SCG3: variants seen among roughly 807,000 people sequenced by gnomAD.
SCG3 encodes the protein secretogranin-3.
Under a neutral mutation model 56.2 loss-of-function variants are expected in SCG3, and 38 were observed. That is an observed-to-expected ratio of 0.68 (90% confidence interval 0.52 to 0.89). The LOEUF is 0.89. Ranked by LOEUF, SCG3 falls within the 40% of genes least tolerant of loss-of-function variation. The pLI is 0.00. For synonymous variants in SCG3, 176 were observed against 184.2 expected, an observed-to-expected ratio of 0.96 and a Z score of 0.36; for missense variants, 524 against 540.7, an observed-to-expected ratio of 0.97 and a Z score of 0.31.
chr15:51,703,471 G>A (rs540031237), intron 10 of SCG3, among the ~76,000 whole-genome samples: 2 of 152,334 alleles, frequency 1.3e-5, no homozygotes, highest in Non-Finnish European at 2.9e-5. Flanking sequence ...TGGTGATGAT[G>A]ATGACTTTAT....
At chr15:51,687,477 G>A (rs1840707) in intron 4 of SCG3, among the ~76,000 whole-genome samples, 116,872 of 152,214 alleles carry the variant, frequency 0.77, 45,085 homozygotes, top group East Asian at 0.83. Flanking sequence ...CCCTCAGGAT[G>A]GGCCCTTACT....
At chr15:51,682,641 G>A (rs992923392) in intron 2 of SCG3, 72 bp downstream of exon 2, 69 of 911,152 alleles carry the variant, frequency 7.6e-5, no homozygotes, top group South Asian at 6.8e-4. Flanking sequence ...TAATTATGCT[G>A]TGACATTTTG....
intron 11 of SCG3, among the ~76,000 whole-genome samples, chr15:51,713,883 C>T (rs556349247): frequency 8.5e-5 from 13 of 152,264 alleles, no homozygotes; most frequent in African/African-American, 3.1e-4. Context: ...AGATGTCCCG[C>T]CCAAGGAATG....
chr15:51,703,748 T>C (rs958819336), intron 10 of SCG3, among the ~76,000 whole-genome samples: 4 of 152,212 alleles, frequency 2.6e-5, no homozygotes, highest in East Asian at 1.9e-4. Flanking sequence ...ATTTCAGCTA[T>C]TGGGACTTTT....
intron 10 of SCG3, among the ~76,000 whole-genome samples, chr15:51,708,603 C>A (rs1319385062): frequency 3.9e-5 from 6 of 152,190 alleles, no homozygotes; most frequent in African/African-American, 1.4e-4. Context: ...CGCCTGTCAT[C>A]CCAGCACTTT....
At chr15:51,711,289 T>A (rs1341073596) in intron 10 of SCG3, among the ~76,000 whole-genome samples, 3 of 152,266 alleles carry the variant, frequency 2.0e-5, no homozygotes, top group Non-Finnish European at 4.4e-5. Context: ...AATTTGGAAT[T>A]TTTAATGCAG....
rs1227949476 is a variant in SCG3 at position 51,704,240 on chromosome 15, CATACAT to C, written c.1207+3000_1207+3005del. On this transcript the variant is annotated intron_variant, in intron 10 of 11. Coordinates refer to ENST00000220478, the MANE Select transcript of SCG3 (RefSeq NM_013243.4). ...ATATATATGTGTGTATACATACATA[CATACAT>C]ATATATATATATATATATATATATA... Among the ~76,000 whole-genome samples the C allele has an allele frequency of 9.5e-3, 556 of 58,760 alleles. 1 individual carries two copies. The highest frequency in any genetic ancestry group is 0.028 in the African/African-American group (413 of 14,566). 38.5% of individuals were successfully genotyped at this position (58,760 alleles called of 152,430 possible).
intron 9 of SCG3, among the ~76,000 whole-genome samples, chr15:51,699,902 C>T (rs1010054062): frequency 1.3e-5 from 2 of 152,114 alleles, no homozygotes; most frequent in Admixed American, 6.5e-5. Context: ...CCACCTATCA[C>T]CCTACTCAGC....
At position 51,716,244 on chromosome 15, in the gene SCG3, C is replaced by T. The variant is rs142550911; in HGVS notation, c.1288+2831C>T. On this transcript the variant is annotated intron_variant, in intron 11 of 11. Transcript: ENST00000220478. Reference sequence around the variant, plus strand: ...CCATTAAAGATGTTGACACTGCAGCCTATTCTGCAGAGGCAGTATTAATGA... The same window carrying T: ...CCATTAAAGATGTTGACACTGCAGCTTATTCTGCAGAGGCAGTATTAATGA... 2.6e-4 allele frequency among the ~76,000 whole-genome samples: 40 copies of T among 152,292 alleles called. 1 individual carries two copies. The highest frequency in any genetic ancestry group is 7.9e-4 in the African/African-American group (33 of 41,562).
At chr15:51,696,551 A>T (rs1341720858) in intron 8 of SCG3, among the ~76,000 whole-genome samples, 3 of 152,234 alleles carry the variant, frequency 2.0e-5, no homozygotes, top group African/African-American at 7.2e-5. Flanking sequence ...ACCCTGTCTC[A>T]GATAAATAAA....
intron 4 of SCG3, among the ~76,000 whole-genome samples, chr15:51,686,642 G>A (rs1412241804): frequency 2.7e-5 from 4 of 150,600 alleles, no homozygotes; most frequent in Non-Finnish European, 4.4e-5. Flanking sequence ...AATAGATGAC[G>A]ATCCAAATTT....
At position 51,699,396 on chromosome 15, in the gene SCG3, T is replaced by C. The variant is rs201746386; in HGVS notation, c.1063T>C (p.Phe355Leu). ...KNATDNISKL[F>L]PAPSEKSHEE... is the part of the protein sequence containing the mutation. ...TGCTACTGACAATATAAGCAAGCTT[T>C]TCCCAGGTATGATTATTTAACTATT... is the stretch of plus-strand genomic sequence containing the variant. Residue 355 changes from phenylalanine to leucine, a missense_variant, in exon 9 of 12, where the codon TTC (phenylalanine) becomes CTC (leucine). Transcript: ENST00000220478. 4.3e-5 allele frequency: 69 copies of C among 1,595,406 alleles called. No homozygotes were observed. In the South Asian group the frequency reaches 6.5e-4, roughly 15 times the overall value.
intron 11 of SCG3, among the ~76,000 whole-genome samples, chr15:51,715,681 G>A (rs1437501902): frequency 6.6e-6 from 1 of 152,132 alleles, no homozygotes; most frequent in Admixed American, 6.5e-5. Context: ...CCCCAGCTAG[G>A]GCAGAGTTGG....
intron 10 of SCG3, among the ~76,000 whole-genome samples, chr15:51,705,607 C>T (rs1477036689): frequency 6.6e-6 from 1 of 151,896 alleles, no homozygotes; most frequent in African/African-American, 2.4e-5. Flanking sequence ...CTGCAACCCT[C>T]GCTGTCCAGG....
intron 10 of SCG3, among the ~76,000 whole-genome samples, chr15:51,711,930 G>A (rs747419025): frequency 1.3e-5 from 2 of 152,190 alleles, no homozygotes; most frequent in Admixed American, 6.5e-5. Flanking sequence ...GAAGAAAGAT[G>A]CTCAGAGAGT....
In SCG3 at chr15:51,717,050, A is replaced by AC. The variant is rs199806737; in HGVS notation, c.1289-2354dup. ...AGACCAGCCTGGTCAACATAGCGAG[A>AC]CCCCATCTCCACAAAAAATTTAAAA... is the stretch of plus-strand genomic sequence containing the variant. On this transcript the variant is annotated intron_variant, in intron 11 of 11. Coordinates refer to ENST00000220478, the MANE Select transcript of SCG3 (RefSeq NM_013243.4). Among the ~76,000 whole-genome samples, 427 of 151,972 alleles carry AC rather than the reference A, an allele frequency of 2.8e-3. 17 individuals carry two copies. The East Asian group carries it at 0.064, about 23-fold the overall frequency.
intron 5 of SCG3, among the ~76,000 whole-genome samples, 167 bp from the exon 6 acceptor site, chr15:51,689,052 C>T (rs1290435642): frequency 6.6e-6 from 1 of 152,152 alleles, no homozygotes. Flanking sequence ...TGAGCAATCC[C>T]TATAACAGCC....
chr15:51,718,724 T>C (rs1035726393), intron 11 of SCG3, among the ~76,000 whole-genome samples: 3 of 152,094 alleles, frequency 2.0e-5, no homozygotes, highest in Admixed American at 2.0e-4. Flanking sequence ...TGACAATGTA[T>C]ATAGATTTTG....
intron 8 of SCG3, 24 bp downstream of exon 8, chr15:51,696,015 C>A: frequency 1.5e-6 from 2 of 1,337,844 alleles, no homozygotes; most frequent in South Asian, 1.2e-5. Context: ...TGTTTTGTTT[C>A]TACTGTGGTG....
Sources: allele counts gnomAD v4.1 joint callset (sites outside exome capture counted in the v4.1 genomes callset), GRCh38; gene constraint gnomAD v4.1.1; transcripts MANE v1.5; gene names NCBI Gene and HGNC (gene_info 2026-07-23, HGNC 2026-07-21).